The following PCED1B variants were observed in gnomAD, a reference collection of about 807,000 sequenced individuals.
PCED1B encodes the protein PC-esterase domain containing 1B, also known as PC-esterase domain-containing protein 1B.
For missense variants in PCED1B, 573 were observed against 573.9 expected (o/e 1.00, Z 0.02); for synonymous variants, 251 against 246.1 (o/e 1.02, Z -0.19).
intron 2 of PCED1B, among the ~76,000 whole-genome samples, chr12:47,195,561 A>C (rs917828241): frequency 7.2e-5 from 11 of 152,094 alleles, no homozygotes; most frequent in Non-Finnish European, 1.6e-4. Flanking sequence ...CCAAAAAAAA[A>C]CCCCACCATA....
intron 2 of PCED1B, among the ~76,000 whole-genome samples, chr12:47,156,893 T>C (rs1490628660): frequency 6.6e-6 from 1 of 152,102 alleles, no homozygotes; most frequent in Non-Finnish European, 1.5e-5. Flanking sequence ...AAGCCTCAGC[T>C]TCCCCCTATG....
chr12:47,224,712 C>T (rs1565612835), intron 3 of PCED1B, among the ~76,000 whole-genome samples: 2 of 152,054 alleles, frequency 1.3e-5, no homozygotes, highest in South Asian at 2.1e-4. Context: ...TTTCATGATG[C>T]GGGGATTCAC....
At chr12:47,175,642 C>T (rs997342877) in intron 2 of PCED1B, among the ~76,000 whole-genome samples, 7 of 152,016 alleles carry the variant, frequency 4.6e-5, no homozygotes, top group African/African-American at 1.7e-4. Context: ...GGTGCAATCT[C>T]GGCTCACTGC....
chr12:47,149,162 T>C (rs1940899145), intron 2 of PCED1B, among the ~76,000 whole-genome samples: 1 of 152,242 alleles, frequency 6.6e-6, no homozygotes, highest in South Asian at 2.1e-4. Flanking sequence ...CTATTATTTC[T>C]CAGTTTAGAC....
chr12:47,186,063 A>T (rs11183781), intron 2 of PCED1B, among the ~76,000 whole-genome samples: 81,797 of 151,394 alleles, frequency 0.54, 22,689 homozygotes, highest in Non-Finnish European at 0.61. Flanking sequence ...ACTAAAAATA[A>T]CAAAATTAGC....
chr12:47,180,322 C>T, intron 2 of PCED1B, among the ~76,000 whole-genome samples: 1 of 152,094 alleles, frequency 6.6e-6, no homozygotes, highest in East Asian at 1.9e-4. Context: ...TGCCTGCACA[C>T]CTACAACCAT....
At chr12:47,227,241 G>A (rs532052307) in intron 3 of PCED1B, among the ~76,000 whole-genome samples, 167 of 152,146 alleles carry the variant, frequency 1.1e-3, no homozygotes, top group African/African-American at 3.7e-3. Flanking sequence ...GCAAGATCTC[G>A]GCTCACTGCA....
chr12:47,116,192 A>C (rs1409533836), intron 2 of PCED1B, among the ~76,000 whole-genome samples: 1 of 152,220 alleles, frequency 6.6e-6, no homozygotes, highest in Non-Finnish European at 1.5e-5. Context: ...AGGCAAATAC[A>C]AAATTCATAT....
intron 3 of PCED1B, among the ~76,000 whole-genome samples, chr12:47,233,238 GCTCCGC>G (rs1943865731): frequency 6.6e-6 from 1 of 151,968 alleles, no homozygotes; most frequent in Non-Finnish European, 1.5e-5. Context: ...CTCACTGCAA[GCTCCGC>G]CTCCTGGGCT....
At chr12:47,210,681 C>T (rs987499941) in intron 2 of PCED1B, 1 of 152,192 alleles carries the variant, frequency 6.6e-6, no homozygotes, top group Non-Finnish European at 1.5e-5. Flanking sequence ...ACGAGAACCG[C>T]TTGAACCCAG....
intron 3 of PCED1B, among the ~76,000 whole-genome samples, chr12:47,226,967 TC>T (rs1376341486): frequency 1.3e-5 from 2 of 152,158 alleles, no homozygotes; most frequent in African/African-American, 4.8e-5. Context: ...TTCTATTCAC[TC>T]CCCTAAAAGA....
chr12:47,191,492 A>T (rs1231868482), intron 2 of PCED1B, among the ~76,000 whole-genome samples: 1 of 152,172 alleles, frequency 6.6e-6, no homozygotes, highest in Non-Finnish European at 1.5e-5. Flanking sequence ...GCAAACGTTC[A>T]CATGTTCACA....
chr12:47,123,099 T>C (rs1939746320), intron 2 of PCED1B, among the ~76,000 whole-genome samples: 2 of 152,204 alleles, frequency 1.3e-5, no homozygotes, highest in African/African-American at 4.8e-5. Context: ...CTAGCATAAT[T>C]ACATGGTTAT....
intron 2 of PCED1B, among the ~76,000 whole-genome samples, chr12:47,164,718 A>G (rs1381022292): frequency 6.6e-6 from 1 of 152,110 alleles, no homozygotes; most frequent in Non-Finnish European, 1.5e-5. Context: ...GCTTTCCATT[A>G]CATCCTCTGA....
intron 2 of PCED1B, among the ~76,000 whole-genome samples, chr12:47,182,116 A>C (rs1377477220): frequency 6.6e-6 from 1 of 152,230 alleles, no homozygotes; most frequent in Non-Finnish European, 1.5e-5. Context: ...GTGAAACTTG[A>C]AGATGGTTCA....
At chr12:47,198,855 A>G (rs1942684207) in intron 2 of PCED1B, among the ~76,000 whole-genome samples, 1 of 152,108 alleles carries the variant, frequency 6.6e-6, no homozygotes, top group African/African-American at 2.4e-5. Context: ...AATCCCAGCT[A>G]CTTGGGAGAC....
chr12:47,131,238 C>CT (rs1339424765), intron 2 of PCED1B, among the ~76,000 whole-genome samples: 4 of 152,114 alleles, frequency 2.6e-5, no homozygotes, highest in Non-Finnish European at 5.9e-5. Flanking sequence ...TCTGAAACTC[C>CT]TAGGCATTCC....
chr12:47,212,002 G>A (rs1299726029), intron 2 of PCED1B, among the ~76,000 whole-genome samples: 20 of 151,378 alleles, frequency 1.3e-4, no homozygotes, highest in Middle Eastern at 3.4e-3. Flanking sequence ...GTGAACCCGG[G>A]AGGCGGAGCT....
intron 2 of PCED1B, among the ~76,000 whole-genome samples, chr12:47,202,594 T>TAAAAAAAAAG (rs1942795096): frequency 1.5e-5 from 1 of 66,676 alleles, no homozygotes; most frequent in Non-Finnish European, 2.9e-5. Flanking sequence ...TAGACATTAG[T>TAAAAAAAAAG]AAAAAAAAAA....
Sources: allele counts gnomAD v4.1 joint callset (sites outside exome capture counted in the v4.1 genomes callset), GRCh38; gene constraint gnomAD v4.1.1; transcripts MANE v1.5; gene names NCBI Gene and HGNC (gene_info 2026-07-23, HGNC 2026-07-21).